Variants in GPHN observed in about 807,000 individuals in gnomAD.
GPHN encodes the protein gephyrin.
A neutral mutation model predicts 95.5 loss-of-function variants in GPHN; 17 were observed. The observed-to-expected ratio is 0.18, with a 90% CI of 0.12 to 0.27. The LOEUF is 0.27. Ranked by LOEUF, GPHN falls within the 10% of genes least tolerant of loss-of-function variation. The probability of loss-of-function intolerance (pLI) is 1.00; values close to 1 mark genes in which losing one functional copy is unlikely to be tolerated. For synonymous variants in GPHN, 320 were observed against 322.5 expected (o/e 0.99, Z 0.08); for missense variants, 660 against 978.1 (o/e 0.67, Z 4.34).
intron 2 of GPHN, chr14:66,709,412 C>T (rs2069400053): frequency 2.6e-5 from 12 of 455,858 alleles, no homozygotes; most frequent in South Asian, 1.9e-4. Context: ...CTACTGAACC[C>T]AAGTACTGCG....
At chr14:67,302,353 T>C in the GPHN span, 1 of 1,253,532 alleles carries the variant, frequency 8.0e-7, no homozygotes, top group Non-Finnish European at 1.0e-6. Flanking sequence ...TAAAAATAAA[T>C]GCTTAACAAA....
chr14:66,830,002 G>A (rs1449504639), intron 4 of GPHN, among the ~76,000 whole-genome samples: 3 of 152,012 alleles, frequency 2.0e-5, no homozygotes, highest in Non-Finnish European at 4.4e-5. Context: ...TGAATTTTAG[G>A]GTCTATAAAT....
chr14:66,932,940 G>T (rs540726212), intron 8 of GPHN, among the ~76,000 whole-genome samples: 1 of 152,152 alleles, frequency 6.6e-6, no homozygotes, highest in South Asian at 2.1e-4. Flanking sequence ...TAATTATTAG[G>T]GTTTAATTCT....
chr14:66,826,519 C>A (rs908135526), intron 4 of GPHN, among the ~76,000 whole-genome samples: 1 of 152,104 alleles, frequency 6.6e-6, no homozygotes, highest in Admixed American at 6.5e-5. Flanking sequence ...TACCAGATCC[C>A]CAGGCTAGTC....
At chr14:67,400,149 C>T in the GPHN span, among the ~76,000 whole-genome samples, 1 of 152,196 alleles carries the variant, frequency 6.6e-6, no homozygotes, top group Admixed American at 6.5e-5. Flanking sequence ...GTTATTTGTG[C>T]ATATAACTGA....
At chr14:66,960,803 G>GC (rs2068851459) in intron 8 of GPHN, among the ~76,000 whole-genome samples, 1 of 152,036 alleles carries the variant, frequency 6.6e-6, no homozygotes, top group African/African-American at 2.4e-5. Flanking sequence ...CCAGCCCTGG[G>GC]CATAAACCTG....
intron 11 of GPHN, among the ~76,000 whole-genome samples, chr14:67,081,053 T>C (rs527849721): frequency 1.3e-5 from 2 of 152,330 alleles, no homozygotes; most frequent in African/African-American, 4.8e-5. Context: ...CAATTGCAAA[T>C]TGTGCTGCTA....
At chr14:66,741,344 C>T (rs1167622835) in intron 2 of GPHN, among the ~76,000 whole-genome samples, 8 of 152,122 alleles carry the variant, frequency 5.3e-5, no homozygotes, top group East Asian at 1.9e-4. Flanking sequence ...GTGTGCTACA[C>T]GTTGCACTAG....
chr14:67,351,726 G>A, the GPHN span, among the ~76,000 whole-genome samples: 1 of 151,762 alleles, frequency 6.6e-6, no homozygotes. Flanking sequence ...TCACTGTGTT[G>A]CCCAGGCTGG....
At chr14:67,567,268 A>G in the GPHN span, among the ~76,000 whole-genome samples, 2 of 152,168 alleles carry the variant, frequency 1.3e-5, no homozygotes, top group African/African-American at 4.8e-5. Context: ...ATGTCAGAGA[A>G]CATTTCTCAA....
chr14:66,589,197 A>T (rs1382936594), intron 1 of GPHN, among the ~76,000 whole-genome samples: 1 of 152,204 alleles, frequency 6.6e-6, no homozygotes, highest in African/African-American at 2.4e-5. Flanking sequence ...AGATTTTGTC[A>T]CCACCAGGCC....
At chr14:67,642,382 G>A in the GPHN span, 13 of 1,612,268 alleles carry the variant, frequency 8.1e-6, no homozygotes, top group Admixed American at 3.3e-5. Context: ...GGAGCCAGGC[G>A]TGGTGAGGGG....
chr14:66,742,977 G>C (rs1345041637), intron 2 of GPHN, among the ~76,000 whole-genome samples: 1 of 137,848 alleles, frequency 7.3e-6, no homozygotes, highest in Admixed American at 7.1e-5. Context: ...TGTTAGCCAG[G>C]ATGCATTTCT....
At chr14:66,589,707 C>T (rs1851536140) in intron 1 of GPHN, among the ~76,000 whole-genome samples, 1 of 152,094 alleles carries the variant, frequency 6.6e-6, no homozygotes, top group Non-Finnish European at 1.5e-5. Context: ...TACAAAGAGA[C>T]TTAGACTCCC....
At chr14:66,809,754 A>C (rs1356139673) in intron 3 of GPHN, among the ~76,000 whole-genome samples, 11 of 152,134 alleles carry the variant, frequency 7.2e-5, no homozygotes, top group South Asian at 2.1e-4. Flanking sequence ...CTTAACTGAG[A>C]GTATGCTTTA....
intron 1 of GPHN, among the ~76,000 whole-genome samples, chr14:66,643,220 C>T (rs535341182): frequency 3.6e-4 from 55 of 152,124 alleles, no homozygotes; most frequent in African/African-American, 1.3e-3. Flanking sequence ...TCTACACACC[C>T]ACCAGAGTGG....
chr14:67,587,116 T>G, the GPHN span: 14 of 1,613,664 alleles, frequency 8.7e-6, no homozygotes, highest in Non-Finnish European at 1.2e-5. Context: ...TATGAACCAT[T>G]GCACTACAAC....
intron 3 of GPHN, among the ~76,000 whole-genome samples, chr14:66,806,794 G>A (rs182148120): frequency 6.6e-6 from 1 of 152,224 alleles, no homozygotes; most frequent in East Asian, 1.9e-4. Flanking sequence ...TCAGCATTTT[G>A]GGCAAAGCCA....
the GPHN span, chr14:67,360,506 C>T: frequency 3.2e-6 from 1 of 316,114 alleles, no homozygotes; most frequent in African/African-American, 2.1e-5. Context: ...TGGTTTGTGT[C>T]CAGTGACATG....
Sources: gnomAD v4.1 joint callset for allele counts (sites outside exome capture counted in the v4.1 genomes callset) on GRCh38, gnomAD v4.1.1 for gene constraint, MANE v1.5 for transcripts, NCBI Gene and HGNC (gene_info 2026-07-23, HGNC 2026-07-21) for gene names.